Variants in TRPV4 observed in about 807,000 individuals in gnomAD.
The protein encoded by TRPV4 is transient receptor potential cation channel subfamily V member 4, also known as OSM9-like transient receptor potential channel 4.
A neutral mutation model predicts 84.1 loss-of-function variants in TRPV4; 58 were observed. That is an observed-to-expected ratio of 0.69 (90% CI 0.56 to 0.86). The LOEUF (loss-of-function observed/expected upper bound fraction) is 0.86. TRPV4 is among the 40% of genes least tolerant of loss of function. The pLI, the probability that TRPV4 is intolerant of heterozygous loss-of-function variation, is 0.00. For synonymous variants in TRPV4, 489 were observed against 500.9 expected, an observed-to-expected ratio of 0.98 and a Z score of 0.32; for missense variants, 879 against 1,181.1, an observed-to-expected ratio of 0.74 and a Z score of 3.75.
Position 109,783,644 on chromosome 12 carries a change from T to C in TRPV4, c.2593A>G (p.Arg865Gly). The C allele has an allele frequency of 6.2e-7, 1 of 1,613,826 alleles. No individual in the cohort carries two copies. Among genetic ancestry groups the C allele is most frequent in the Non-Finnish European group, 8.5e-7 (1 of 1,179,990 alleles). ...CCCTAGAGCGGGGCGTCATCAGTCC[T>C]CCACTTGCGGGGGTAACCCTGCTGG... ...GHQQGYPRKW[R>G]TDDAPL Residue 865 changes from arginine (R) to glycine (G), a missense_variant, in exon 16 of 16, where the codon AGG (arginine) becomes GGG (glycine). Around this residue, in one of 4 missense-constraint regions of TRPV4, gnomAD observed 242 missense variants for 355.3 expected, o/e 0.68. Coordinates refer to ENST00000261740, the MANE Select transcript of TRPV4 (RefSeq NM_021625.5). This position sits in a 1 kb window ranked among gnomAD's most constrained non-coding sequence, Gnocchi z 4.6.
At chr12:109,827,552 AAC>A (rs79477384) in intron 1 of TRPV4, among the ~76,000 whole-genome samples, 21,065 of 150,300 alleles carry the variant, frequency 0.14, 2,179 homozygotes, top group African/African-American at 0.29. Context: ...ACCCTCCATA[AAC>A]ACACACACAC....
rs1889467720 is a variant in TRPV4, at chr12:109,783,555, G to A, written c.*66C>T. 1 of 1,573,680 alleles carries A rather than the reference G, an allele frequency of 6.4e-7. No individual in the cohort carries two copies. ...CAGGGTGTGGGGGGACACCCCAGAA[G>A]GCACTGCTGAAATGCGGCTGGACTA... On this transcript the variant is annotated 3_prime_UTR_variant, in exon 16 of 16. Coordinates refer to ENST00000261740, the MANE Select transcript of TRPV4 (RefSeq NM_021625.5). This position sits in a 1 kb window ranked among gnomAD's most constrained non-coding sequence, Gnocchi z 4.6.
chr12:109,819,797 A>T (rs1293104343), intron 1 of TRPV4, among the ~76,000 whole-genome samples: 1 of 152,104 alleles, frequency 6.6e-6, no homozygotes, highest in Non-Finnish European at 1.5e-5. Context: ...CCTGACCTCA[A>T]ATGATCTACC....
chr12:109,787,891 T>C (rs747323504), intron 13 of TRPV4, among the ~76,000 whole-genome samples: 41 of 152,142 alleles, frequency 2.7e-4, no homozygotes, highest in Non-Finnish European at 5.4e-4. Context: ...CATAGAAAGC[T>C]TTTGGTAAGT....
At chr12:109,795,720 GA>G (rs572558530) in intron 7 of TRPV4, among the ~76,000 whole-genome samples, 2 of 151,812 alleles carry the variant, frequency 1.3e-5, no homozygotes, top group Admixed American at 6.6e-5. Context: ...GCTAAGTAGG[GA>G]AAAAAAAGCT....
chr12:109,793,383 C>G lies in TRPV4; in HGVS notation c.1658+144G>C, dbSNP rs572862671. The stretch of plus-strand genomic sequence containing the variant: ...AACCAGAAGACCCTATTGTTTGTGG[C>G]TTTGTCCTGACTTTGGGTTAGAGCT... On this transcript the variant is annotated intron_variant, in intron 10 of 15. Coordinates refer to ENST00000261740, the MANE Select transcript of TRPV4 (RefSeq NM_021625.5). This position sits in a 1 kb window ranked among gnomAD's most constrained non-coding sequence, Gnocchi z 4.0. 359 of 762,400 alleles carry G rather than the reference C, an allele frequency of 4.7e-4. 1 individual carries two copies. In the African/African-American group the frequency reaches 5.3e-3, roughly 11 times the overall value. The allele number at this position is 762,400 out of a possible 1,614,324, so 47.2% of individuals were successfully genotyped here. A position where few individuals can be genotyped will look rare whatever the true frequency, so the allele number is the denominator to read the frequency against.
intron 1 of TRPV4, among the ~76,000 whole-genome samples, chr12:109,824,248 G>A (rs1262797624): frequency 5.9e-5 from 9 of 151,896 alleles, no homozygotes; most frequent in African/African-American, 1.9e-4. Context: ...TACAGGCGTC[G>A]GCCACCGTGC....
intron 1 of TRPV4, among the ~76,000 whole-genome samples, chr12:109,825,790 G>C (rs1412831270): frequency 1.3e-5 from 2 of 152,192 alleles, no homozygotes; most frequent in African/African-American, 4.8e-5. Flanking sequence ...AGGGGGAAGA[G>C]GGCAGGTGCC....
In TRPV4 at chr12:109,798,781, C is replaced by A; in HGVS notation, c.985G>T (p.Val329Leu). The change falls in exon 6 of 16, where the codon GTG becomes TTG. Residue 329 changes from valine to leucine, a missense_variant. Coordinates refer to ENST00000261740, the MANE Select transcript of TRPV4 (RefSeq NM_021625.5). This position sits in a 1 kb window ranked among gnomAD's most constrained non-coding sequence, Gnocchi z 5.0. Reference protein sequence around the residue: ...SRGNTVLHALVAIADNTRENT... With the variant: ...SRGNTVLHALLAIADNTRENT... ...TCACGGGTGTTGTCAGCAATGGCCACCAGCGCATGCAGCACTGTGTTGCCT... is the reference window on the plus strand; with the variant it reads ...TCACGGGTGTTGTCAGCAATGGCCAACAGCGCATGCAGCACTGTGTTGCCT... 6.2e-7 allele frequency: 1 copy of A among 1,614,216 alleles called. No homozygotes were observed. Among genetic ancestry groups the A allele is most frequent in the Non-Finnish European group, 8.5e-7 (1 of 1,180,052 alleles).
Position 109,794,315 on chromosome 12 carries a change from C to T in TRPV4, c.1491+14G>A, listed in dbSNP as rs766828244. 1.6e-5 allele frequency: 26 copies of T among 1,610,258 alleles called. No individual in the cohort carries two copies. In the South Asian group the frequency reaches 2.2e-4, roughly 14 times the overall value. On this transcript the variant is annotated intron_variant, in intron 8 of 15. Coordinates refer to ENST00000261740, the MANE Select transcript of TRPV4 (RefSeq NM_021625.5). ...GTGCCTGCCCCAGCCCCTGCCCGGTCCCCGGGCACTCACTGTGCCCTCCAG... is the reference window on the plus strand; with the variant it reads ...GTGCCTGCCCCAGCCCCTGCCCGGTTCCCGGGCACTCACTGTGCCCTCCAG...
At chr12:109,799,106 C>T (rs1198736415) in intron 5 of TRPV4, among the ~76,000 whole-genome samples, 194 bp from the exon 6 acceptor site, 1 of 150,904 alleles carries the variant, frequency 6.6e-6, no homozygotes, top group Non-Finnish European at 1.5e-5. Flanking sequence ...GGCACAGCCA[C>T]GCGATTTGGA....
intron 1 of TRPV4, among the ~76,000 whole-genome samples, chr12:109,827,445 CA>C (rs1409030010): frequency 1.3e-5 from 2 of 152,014 alleles, no homozygotes; most frequent in African/African-American, 4.8e-5. Context: ...GTGTGCCAAG[CA>C]GGGACAGGAG....
Position 109,786,670 on chromosome 12 carries a change from G to T in TRPV4, c.2336+40C>A. On this transcript the variant is annotated intron_variant, in intron 14 of 15. Transcript: ENST00000261740. This position sits in a 1 kb window ranked among gnomAD's most constrained non-coding sequence, Gnocchi z 4.5. ...CAGGGGCCCCGAGCCAGTGGGGACA[G>T]TTCCGCCCTGCCATCCTGGCCCCAC... is the stretch of plus-strand genomic sequence containing the variant. The T allele has an allele frequency of 6.2e-7, 1 of 1,612,290 alleles. No homozygotes were observed. Among genetic ancestry groups the T allele is most frequent in the Non-Finnish European group, 8.5e-7 (1 of 1,179,762 alleles).
Position 109,803,134 on chromosome 12 carries a change from G to A in TRPV4, c.569C>T (p.Thr190Met), listed in dbSNP as rs1031096826. 7 of 1,613,982 alleles carry A rather than the reference G, an allele frequency of 4.3e-6. No homozygotes were observed. Among genetic ancestry groups the A allele is most frequent in the South Asian group, 1.1e-5 (1 of 91,082 alleles). ...GGCCTTGGGCAGGCAGGTCTTCCCC[G>A]TAGATGGCTCTAGCAAGAGAGACAC... is the stretch of plus-strand genomic sequence containing the variant. The part of the protein sequence containing the change: ...LTDEEFREPS[T>M]GKTCLPKALL... The change falls in exon 4 of 16, where the codon ACG becomes ATG. Residue 190 changes from threonine (T) to methionine (M), a missense_variant. Around this residue, in one of 4 missense-constraint regions of TRPV4, gnomAD observed 521 missense variants for 686.6 expected, o/e 0.76. Coordinates refer to ENST00000261740, the MANE Select transcript of TRPV4 (RefSeq NM_021625.5).
chr12:109,785,585 A>C (rs987232441), intron 14 of TRPV4, among the ~76,000 whole-genome samples: 63 of 151,842 alleles, frequency 4.1e-4, no homozygotes, highest in African/African-American at 1.5e-3. Context: ...CTCCCGACTA[A>C]TTTTTGTATT....
chr12:109,823,138 C>G (rs980201945), intron 1 of TRPV4, among the ~76,000 whole-genome samples: 1 of 152,202 alleles, frequency 6.6e-6, no homozygotes, highest in Non-Finnish European at 1.5e-5. Flanking sequence ...AGGCACTTGG[C>G]AGGCGGCAGC....
In TRPV4 at chr12:109,787,446, A is replaced by T. The variant is rs545341102; in HGVS notation, c.2209-609T>A. 2.0e-3 allele frequency among the ~76,000 whole-genome samples: 299 copies of T among 152,262 alleles called. 1 individual carries two copies. The highest frequency in any genetic ancestry group is 3.2e-3 in the Non-Finnish European group (220 of 68,028). On this transcript the variant is annotated intron_variant, in intron 13 of 15. Coordinates refer to ENST00000261740, the MANE Select transcript of TRPV4 (RefSeq NM_021625.5). ...ATGGTGAAACCCCATCTTTACAAAA[A>T]ATACAAAAATTAGCCGGGTGAGGTG...
chr12:109,784,584 C>A, intron 14 of TRPV4, 147 bp from the exon 15 acceptor site: 1 of 1,243,352 alleles, frequency 8.0e-7, no homozygotes, highest in Non-Finnish European at 1.1e-6. Flanking sequence ...AATCCCAGCA[C>A]TTTGGGAGGC....
At chr12:109,799,015 T>C (rs1009339832) in intron 5 of TRPV4, 103 bp from the exon 6 acceptor site, 35 of 1,130,918 alleles carry the variant, frequency 3.1e-5, no homozygotes, top group Non-Finnish European at 4.1e-5. Context: ...CTGAGGATAA[T>C]GACGGAGACA....
Sources: allele counts gnomAD v4.1 joint callset (sites outside exome capture counted in the v4.1 genomes callset), GRCh38; gene constraint gnomAD v4.1.1; regional missense constraint gnomAD v4.1.1; non-coding constraint Gnocchi (gnomAD v3.1); transcripts MANE v1.5; gene names NCBI Gene and HGNC (gene_info 2026-07-23, HGNC 2026-07-21).